The following SKI variants were observed in gnomAD, a reference collection of about 807,000 sequenced individuals.
SKI encodes SKI proto-oncogene, also known as ski oncogene.
Under a neutral mutation model 59.3 loss-of-function variants are expected in SKI, and 23 were observed. The observed-to-expected ratio is 0.39, with a 90% CI of 0.28 to 0.55. SKI has a LOEUF of 0.55. SKI is among the 20% of genes least tolerant of loss of function. The probability of loss-of-function intolerance (pLI) is 0.67; values close to 1 mark genes in which losing one functional copy is unlikely to be tolerated. For synonymous variants in SKI, 673 were observed against 488.6 expected (o/e 1.38, Z -4.98); for missense variants, 1,017 against 1,038.9 (o/e 0.98, Z 0.29).
At chr1:2,305,320 G>A (rs1024698296) in intron 5 of SKI, among the ~76,000 whole-genome samples, 2 of 152,168 alleles carry the variant, frequency 1.3e-5, no homozygotes, top group Non-Finnish European at 2.9e-5. Context: ...TTGTTCACCG[G>A]GCCCCGGCCT....
In SKI at chr1:2,306,813, G is replaced by T; in HGVS notation, c.*48G>T. The T allele has an allele frequency of 1.5e-6, 2 of 1,332,396 alleles. No homozygotes were observed. Among genetic ancestry groups the T allele is most frequent in the Non-Finnish European group, 1.9e-6 (2 of 1,034,490 alleles). The allele number at this position is 1,332,396 out of a possible 1,614,324, so 82.5% of individuals were successfully genotyped here. A position where few individuals can be genotyped will look rare whatever the true frequency, so the allele number is the denominator to read the frequency against. ...GCCGCCGACAACGCGGGTGCAGGGG[G>T]GCGCGGCTGGGCGGTGCAGCTCCGC... On this transcript the variant is annotated 3_prime_UTR_variant, in exon 7 of 7. Coordinates refer to ENST00000378536, the MANE Select transcript of SKI (RefSeq NM_003036.4).
intron 1 of SKI, among the ~76,000 whole-genome samples, chr1:2,273,896 G>T (rs886897189): frequency 9.9e-5 from 15 of 151,990 alleles, no homozygotes; most frequent in Admixed American, 6.5e-5. Flanking sequence ...ATGCCTCTCC[G>T]CCCACCACCC....
chr1:2,246,176 C>T (rs1280468847), intron 1 of SKI, among the ~76,000 whole-genome samples: 1 of 152,212 alleles, frequency 6.6e-6, no homozygotes, highest in African/African-American at 2.4e-5. Context: ...TCGAGCAGCA[C>T]TGTCTTTGCA....
intron 1 of SKI, among the ~76,000 whole-genome samples, chr1:2,243,382 C>T (rs1432477194): frequency 2.0e-5 from 3 of 152,250 alleles, no homozygotes; most frequent in Admixed American, 6.5e-5. Flanking sequence ...CCCCGCCTGC[C>T]CTTTCTGCAG....
At chr1:2,237,089 T>G (rs1638763724) in intron 1 of SKI, among the ~76,000 whole-genome samples, 1 of 152,174 alleles carries the variant, frequency 6.6e-6, no homozygotes, top group South Asian at 2.1e-4. Context: ...TGGGTTCTTG[T>G]GTGGCCCTTC....
chr1:2,292,081 G>A (rs1037091498), intron 1 of SKI, among the ~76,000 whole-genome samples: 2 of 152,186 alleles, frequency 1.3e-5, no homozygotes, highest in East Asian at 1.9e-4. Context: ...CATAGCTCAC[G>A]TGAGCCGATT....
intron 1 of SKI, among the ~76,000 whole-genome samples, chr1:2,250,195 C>G (rs530764215): frequency 1.3e-5 from 2 of 152,314 alleles, no homozygotes; most frequent in South Asian, 4.1e-4. Flanking sequence ...CATGAGCCAT[C>G]GCACCTGGCC....
At chr1:2,234,141 G>A (rs750069265) in intron 1 of SKI, among the ~76,000 whole-genome samples, 2 of 152,194 alleles carry the variant, frequency 1.3e-5, no homozygotes, top group African/African-American at 2.4e-5. Flanking sequence ...TGAGGGTTCC[G>A]GAAAGACGGC....
intron 1 of SKI, among the ~76,000 whole-genome samples, chr1:2,290,879 C>G (rs956877805): frequency 6.6e-6 from 1 of 152,250 alleles, no homozygotes; most frequent in Admixed American, 6.5e-5. Context: ...GAACCGCGAC[C>G]GCAGCATCCT....
At position 2,229,638 on chromosome 1, in the gene SKI, A is replaced by C. The variant is rs1638585706; in HGVS notation, c.872A>C (p.Tyr291Ser). The C allele has an allele frequency of 6.2e-7, 1 of 1,612,460 alleles. No individual in the cohort carries two copies. The highest frequency in any genetic ancestry group is 8.5e-7 in the Non-Finnish European group (1 of 1,179,832). ...WRAYILLSQD[Y>S]TGKEEQARLG... ...GCCTACATCCTGCTGAGCCAGGATT[A>C]CACGGGCAAGGAGGAGCAGGCGCGC... The change falls in exon 1 of 7, where the codon TAC becomes TCC. Residue 291 changes from tyrosine (Y) to serine (S), a missense_variant. Physicochemically the swap from Tyr to Ser is moderately radical, Grantham distance 144. Coordinates refer to ENST00000378536, the MANE Select transcript of SKI (RefSeq NM_003036.4). The surrounding 1 kb of genome is among the most constrained non-coding windows in gnomAD (Gnocchi z 6.3).
chr1:2,265,924 C>T (rs892880763), intron 1 of SKI, among the ~76,000 whole-genome samples: 6 of 151,908 alleles, frequency 3.9e-5, no homozygotes, highest in Admixed American at 6.6e-5. Context: ...GCTTCAATCG[C>T]GCCACTGCAC....
intron 1 of SKI, among the ~76,000 whole-genome samples, chr1:2,300,510 G>A (rs1007333393): frequency 1.3e-5 from 2 of 152,224 alleles, no homozygotes; most frequent in Admixed American, 1.3e-4. Flanking sequence ...GGGGCCCCCA[G>A]GGGCCTTGGT....
In SKI at chr1:2,306,808, A is replaced by G. The variant is rs1557855207; in HGVS notation, c.*43A>G. Reference sequence around the variant, plus strand: ...GCAGCGCCGCCGACAACGCGGGTGCAGGGGGGCGCGGCTGGGCGGTGCAGC... The same window carrying G: ...GCAGCGCCGCCGACAACGCGGGTGCGGGGGGGCGCGGCTGGGCGGTGCAGC... On this transcript the variant is annotated 3_prime_UTR_variant, in exon 7 of 7. Coordinates refer to ENST00000378536, the MANE Select transcript of SKI (RefSeq NM_003036.4). 8 of 1,392,564 alleles carry G rather than the reference A, an allele frequency of 5.7e-6. No homozygotes were observed. In the Admixed American group the frequency reaches 1.9e-4, roughly 32 times the overall value. The allele number at this position is 1,392,564 out of a possible 1,614,324, so 86.3% of individuals were successfully genotyped here.
rs375045513 is a variant in SKI, at chr1:2,267,448, C to T, written c.970-35530C>T. ...GCGACAGGAATGTCCCACGTCCTCT[C>T]GTGTGCTGTCGGGAGACAAACCTCT... is the stretch of plus-strand genomic sequence containing the variant. On this transcript the variant is annotated intron_variant, in intron 1 of 6. Transcript: ENST00000378536. The surrounding 1 kb of genome is among the most constrained non-coding windows in gnomAD (Gnocchi z 4.1). Among the ~76,000 whole-genome samples the T allele has an allele frequency of 1.1e-4, 17 of 152,320 alleles. No individual in the cohort carries two copies. Among genetic ancestry groups the T allele is most frequent in the African/African-American group, 3.8e-4 (16 of 41,578 alleles).
intron 1 of SKI, among the ~76,000 whole-genome samples, chr1:2,298,877 G>A (rs981900867): frequency 5.3e-5 from 8 of 152,232 alleles, no homozygotes; most frequent in Non-Finnish European, 1.2e-4. Flanking sequence ...CTCACCCTGT[G>A]GTGCTTGCCC....
chr1:2,288,637 C>T (rs937313901), intron 1 of SKI, among the ~76,000 whole-genome samples: 5 of 152,222 alleles, frequency 3.3e-5, no homozygotes, highest in Admixed American at 6.5e-5. Context: ...TCTCTGCTCC[C>T]TTCCCTTGTC....
chr1:2,231,225 C>CG (rs1324849454), intron 1 of SKI, among the ~76,000 whole-genome samples: 2 of 151,638 alleles, frequency 1.3e-5, no homozygotes, highest in East Asian at 3.9e-4. Flanking sequence ...AGCCACATGT[C>CG]GGGGGGGATT....
At chr1:2,234,806 A>G (rs1638717694) in intron 1 of SKI, among the ~76,000 whole-genome samples, 1 of 152,240 alleles carries the variant, frequency 6.6e-6, no homozygotes, top group Admixed American at 6.5e-5. Context: ...GAGTCAAAAT[A>G]CAGAAGGTGA....
chr1:2,303,098 A>G lies in SKI; in HGVS notation c.1090A>G (p.Asn364Asp). Reference protein sequence around the residue: ...SWLRTLAGSSNKSLGCVHPRQ... With the variant: ...SWLRTLAGSSDKSLGCVHPRQ... ...GCTGCGGACCTTGGCCGGCTCTTCC[A>G]ATAAGGTGCTGTGGGGCCTGTCGGG... is the stretch of plus-strand genomic sequence containing the variant. Residue 364 changes from asparagine (N) to aspartate (D), a missense_variant, in exon 2 of 7, where the codon AAT becomes GAT. Asn to Asp is a conservative substitution (Grantham distance 23). Transcript: ENST00000378536. This position sits in a 1 kb window ranked among gnomAD's most constrained non-coding sequence, Gnocchi z 5.6. 1.2e-6 allele frequency: 2 copies of G among 1,613,296 alleles called. No homozygotes were observed. Among genetic ancestry groups the G allele is most frequent in the Non-Finnish European group, 1.7e-6 (2 of 1,179,998 alleles).
Sources: gnomAD v4.1 joint callset for allele counts (sites outside exome capture counted in the v4.1 genomes callset) on GRCh38, gnomAD v4.1.1 for gene constraint, Gnocchi (gnomAD v3.1) non-coding constraint, MANE v1.5 for transcripts, NCBI Gene and HGNC (gene_info 2026-07-23, HGNC 2026-07-21) for gene names.